Variants in LRRC4C observed in about 807,000 individuals in gnomAD.
LRRC4C encodes the protein leucine-rich repeat-containing protein 4C.
Under a neutral mutation model 33.6 loss-of-function variants are expected in LRRC4C, and 5 were observed. The observed-to-expected ratio is 0.15, with a 90% CI of 0.08 to 0.31. LRRC4C has a LOEUF of 0.31. Ranked by LOEUF, LRRC4C falls within the 10% of genes least tolerant of loss-of-function variation. The probability of loss-of-function intolerance (pLI) is 1.00; values close to 1 mark genes in which losing one functional copy is unlikely to be tolerated. For missense variants in LRRC4C, 560 were observed against 796.7 expected (o/e 0.70, Z 3.58); for synonymous variants, 329 against 302.0 (o/e 1.09, Z -0.93).
intron 2 of LRRC4C, among the ~76,000 whole-genome samples, chr11:40,660,185 C>T: frequency 6.6e-6 from 1 of 152,232 alleles, no homozygotes; most frequent in Middle Eastern, 3.2e-3. Flanking sequence ...GCACCTGGAG[C>T]TGCCTGCCCC....
At chr11:40,315,177 A>T (rs1447635291) in intron 4 of LRRC4C, among the ~76,000 whole-genome samples, 1 of 152,010 alleles carries the variant, frequency 6.6e-6, no homozygotes, top group Non-Finnish European at 1.5e-5. Context: ...TGTCAGTTAA[A>T]CAAAATTGAA....
chr11:40,656,915 G>C (rs1224878033), intron 2 of LRRC4C, among the ~76,000 whole-genome samples: 1 of 152,070 alleles, frequency 6.6e-6, no homozygotes, highest in Non-Finnish European at 1.5e-5. Flanking sequence ...AAAATTTCAT[G>C]ATGAAAAATA....
chr11:40,317,965 C>A (rs554781776), intron 4 of LRRC4C, among the ~76,000 whole-genome samples: 1 of 152,112 alleles, frequency 6.6e-6, no homozygotes, highest in Admixed American at 6.5e-5. Context: ...ATACATGTAA[C>A]CATACATTTA....
intron 5 of LRRC4C, among the ~76,000 whole-genome samples, chr11:40,187,327 C>CTT (rs984027757): frequency 1.4e-4 from 19 of 140,152 alleles, no homozygotes; most frequent in African/African-American, 4.4e-4. Context: ...AATTTTCTTT[C>CTT]TTTTTTTTTT....
intron 1 of LRRC4C, among the ~76,000 whole-genome samples, chr11:41,043,427 A>T (rs1857570764): frequency 6.6e-6 from 1 of 152,216 alleles, no homozygotes; most frequent in Non-Finnish European, 1.5e-5. Flanking sequence ...TTTATTAATT[A>T]AAAATGTTAA....
chr11:40,846,149 G>A (rs922837753), intron 2 of LRRC4C, among the ~76,000 whole-genome samples: 7 of 151,692 alleles, frequency 4.6e-5, no homozygotes, highest in African/African-American at 7.3e-5. Flanking sequence ...TCTGATGATA[G>A]TTTCTTTTGC....
chr11:40,754,479 C>T (rs963332041), intron 2 of LRRC4C, among the ~76,000 whole-genome samples: 2 of 151,986 alleles, frequency 1.3e-5, no homozygotes, highest in East Asian at 1.9e-4. Context: ...AGTTCTCCAG[C>T]GTAGAGAGAG....
intron 1 of LRRC4C, among the ~76,000 whole-genome samples, chr11:41,220,401 T>A (rs73485516): frequency 0.036 from 5,438 of 151,886 alleles, 139 homozygotes; most frequent in African/African-American, 0.064. Flanking sequence ...AAAATAGGAA[T>A]CTCTCTGGTT....
At chr11:40,944,522 A>G (rs906533584) in intron 1 of LRRC4C, among the ~76,000 whole-genome samples, 10 of 152,316 alleles carry the variant, frequency 6.6e-5, no homozygotes, top group Middle Eastern at 3.4e-3. Context: ...AATTTTATTA[A>G]CAAGTCTACT....
intron 3 of LRRC4C, among the ~76,000 whole-genome samples, chr11:40,512,350 G>C (rs1955361185): frequency 6.6e-6 from 1 of 151,962 alleles, no homozygotes; most frequent in African/African-American, 2.4e-5. Flanking sequence ...CTCCAGCCTG[G>C]TCAACACAGT....
intron 1 of LRRC4C, among the ~76,000 whole-genome samples, chr11:41,096,191 C>T (rs980253872): frequency 1.3e-5 from 2 of 152,100 alleles, no homozygotes; most frequent in African/African-American, 4.8e-5. Context: ...ATTTACAAAG[C>T]ACAGAATTAC....
At chr11:41,322,975 A>G (rs1951002280) in intron 1 of LRRC4C, among the ~76,000 whole-genome samples, 1 of 152,182 alleles carries the variant, frequency 6.6e-6, no homozygotes, top group African/African-American at 2.4e-5. Context: ...GTCCTGGCTA[A>G]CCACAAAGAG....
At chr11:41,426,132 T>C (rs973286473) in intron 1 of LRRC4C, 1 of 152,206 alleles carries the variant, frequency 6.6e-6, no homozygotes, top group Admixed American at 6.6e-5. Context: ...AGGACAGTTA[T>C]GGGAATCACG....
chr11:41,420,871 ATTCACCTTT>A (rs1441830551), intron 1 of LRRC4C, among the ~76,000 whole-genome samples: 3 of 152,034 alleles, frequency 2.0e-5, no homozygotes, highest in Non-Finnish European at 4.4e-5. Context: ...CTCAATAAAT[ATTCACCTTT>A]TTGTTACAAC....
At chr11:40,927,598 T>C (rs2136428437) in intron 2 of LRRC4C, among the ~76,000 whole-genome samples, 1 of 152,266 alleles carries the variant, frequency 6.6e-6, no homozygotes, top group African/African-American at 2.4e-5. Flanking sequence ...ATTTTGTACA[T>C]AATAAATTGG....
At chr11:41,067,522 A>G (rs952469743) in intron 1 of LRRC4C, among the ~76,000 whole-genome samples, 1 of 152,186 alleles carries the variant, frequency 6.6e-6, no homozygotes, top group Non-Finnish European at 1.5e-5. Flanking sequence ...AATAATTAAC[A>G]AGGATATTCA....
intron 2 of LRRC4C, among the ~76,000 whole-genome samples, chr11:40,838,016 A>C (rs1029209176): frequency 4.6e-5 from 7 of 152,196 alleles, no homozygotes; most frequent in African/African-American, 1.7e-4. Context: ...TGCATCTACT[A>C]GTGCCAAAAT....
intron 1 of LRRC4C, among the ~76,000 whole-genome samples, chr11:41,074,018 G>A (rs531540169): frequency 2.0e-5 from 3 of 152,258 alleles, no homozygotes; most frequent in African/African-American, 7.2e-5. Flanking sequence ...TATTATTCAA[G>A]AAATGCTATT....
chr11:40,535,791 T>C (rs1213365388), intron 3 of LRRC4C, among the ~76,000 whole-genome samples: 7 of 152,186 alleles, frequency 4.6e-5, no homozygotes, highest in Non-Finnish European at 8.8e-5. Flanking sequence ...TAAGGTGAAA[T>C]ATGTCTTACC....
Sources: allele counts gnomAD v4.1 joint callset (sites outside exome capture counted in the v4.1 genomes callset), GRCh38; gene constraint gnomAD v4.1.1; transcripts MANE v1.5; gene names NCBI Gene and HGNC (gene_info 2026-07-23, HGNC 2026-07-21).